RCSD1: variants seen among roughly 807,000 people sequenced by gnomAD.
RCSD1 encodes capZ-interacting protein.
Under a neutral mutation model 42.5 loss-of-function variants are expected in RCSD1, and 26 were observed. The ratio of observed to expected loss-of-function variants is 0.61; its 90% CI spans 0.45 to 0.85. The LOEUF (loss-of-function observed/expected upper bound fraction) is 0.85, where lower values mean the gene tolerates loss of function less well. Ranked by LOEUF, RCSD1 falls within the 40% of genes least tolerant of loss-of-function variation. The pLI is 0.00. For synonymous variants in RCSD1, 220 were observed against 212.2 expected (o/e 1.04, Z -0.32); for missense variants, 571 against 528.3 (o/e 1.08, Z -0.79).
At position 167,707,644 on chromosome 1, in the gene RCSD1, T is replaced by C. The variant is rs1481934951; in HGVS notation, c.*2948T>C. Among the ~76,000 whole-genome samples, 1 of 150,414 alleles carries C rather than the reference T, an allele frequency of 6.6e-6. No homozygotes were observed. Among genetic ancestry groups the C allele is most frequent in the East Asian group, 1.9e-4 (1 of 5,140 alleles). ...TTTCCTTAATAGTTGCAGCCAAGGC[T>C]GTCTCTTTTTTCTCTTCTTTTCTCT... On this transcript the variant is annotated 3_prime_UTR_variant, in exon 7 of 7. Transcript: ENST00000367854.
intron 3 of RCSD1, 74 bp downstream of exon 3, chr1:167,685,584 AG>A: frequency 1.6e-6 from 2 of 1,225,172 alleles, no homozygotes; most frequent in South Asian, 1.2e-5. Context: ...AGTTTGGAGG[AG>A]GGGGCACCAA....
In RCSD1 at chr1:167,704,738, A is replaced by T; in HGVS notation, c.*42A>T. 1 of 1,594,964 alleles carries T rather than the reference A, an allele frequency of 6.3e-7. No homozygotes were observed. The highest frequency in any genetic ancestry group is 8.6e-7 in the Non-Finnish European group (1 of 1,163,984). ...CCCCAGTGATGAAGTTGCTGGACACATCTCTTTGCAGGTAGCAGCAACAGT... is the reference window on the plus strand; with the variant it reads ...CCCCAGTGATGAAGTTGCTGGACACTTCTCTTTGCAGGTAGCAGCAACAGT... On this transcript the variant is annotated 3_prime_UTR_variant, in exon 7 of 7. Coordinates refer to ENST00000367854, the MANE Select transcript of RCSD1 (RefSeq NM_052862.4).
chr1:167,673,659 A>G (rs1337868223), intron 1 of RCSD1, among the ~76,000 whole-genome samples: 1 of 152,246 alleles, frequency 6.6e-6, no homozygotes, highest in East Asian at 1.9e-4. Flanking sequence ...AGCCTGAATT[A>G]TAACTTGCAT....
chr1:167,683,765 G>A (rs56169660), intron 1 of RCSD1, 135 bp from the exon 2 acceptor site: 39,534 of 817,516 alleles, frequency 0.048, 5,655 homozygotes, highest in African/African-American at 0.42. Flanking sequence ...GTCCTTGAAT[G>A]CAGGAGCCAG....
intron 4 of RCSD1, among the ~76,000 whole-genome samples, chr1:167,691,407 G>A (rs1659373759): frequency 1.3e-5 from 2 of 152,234 alleles, no homozygotes; most frequent in South Asian, 2.1e-4. Flanking sequence ...GAAAAGGTGG[G>A]AGGAAGATGT....
intron 4 of RCSD1, among the ~76,000 whole-genome samples, chr1:167,691,248 G>C (rs1350103814): frequency 6.6e-6 from 1 of 152,180 alleles, no homozygotes; most frequent in Non-Finnish European, 1.5e-5. Flanking sequence ...ATGTCCCCTG[G>C]AGGCAAAATT....
In RCSD1 at chr1:167,690,099, G is replaced by C; in HGVS notation, c.249G>C (p.Ser83=). ...CTCCTAAATTCAAGGTCAAGAGCTC[G>C]CCTCTGATTGAGAAGCTTCAGGTAA... is the stretch of plus-strand genomic sequence containing the variant. ...SHPPKFKVKS[S]PLIEKLQANL... The change falls in exon 4 of 7, where the codon TCG becomes TCC. Residue 83 remains serine, a synonymous_variant. Transcript: ENST00000367854. 6.2e-7 allele frequency: 1 copy of C among 1,614,046 alleles called. No individual in the cohort carries two copies. Among genetic ancestry groups the C allele is most frequent in the Non-Finnish European group, 8.5e-7 (1 of 1,179,996 alleles).
intron 1 of RCSD1, among the ~76,000 whole-genome samples, chr1:167,662,009 C>T (rs1255785569): frequency 6.6e-6 from 1 of 152,140 alleles, no homozygotes; most frequent in Non-Finnish European, 1.5e-5. Context: ...CTGGGAGCCC[C>T]CTGAGGGAGT....
At chr1:167,672,312 G>A (rs1012093833) in intron 1 of RCSD1, among the ~76,000 whole-genome samples, 3 of 152,138 alleles carry the variant, frequency 2.0e-5, no homozygotes, top group African/African-American at 7.2e-5. Context: ...ATACTTGACC[G>A]ACTGACTGTA....
Position 167,697,614 on chromosome 1 carries a change from A to G in RCSD1, c.990A>G (p.Glu330=). The change falls in exon 6 of 7, where the codon GAA becomes GAG. Residue 330 remains glutamate, a synonymous_variant. Coordinates refer to ENST00000367854, the MANE Select transcript of RCSD1 (RefSeq NM_052862.4). ...ERVQNEEVGP[E]HDSQETKKLE... is the part of the protein sequence containing the mutation. Reference sequence around the variant, plus strand: ...TGCAAAATGAAGAGGTGGGACCTGAACATGACAGCCAAGAAACAAAGAAGC... The same window carrying G: ...TGCAAAATGAAGAGGTGGGACCTGAGCATGACAGCCAAGAAACAAAGAAGC... 1.2e-6 allele frequency: 2 copies of G among 1,607,588 alleles called. No homozygotes were observed. Among genetic ancestry groups the G allele is most frequent in the Middle Eastern group, 3.3e-4 (2 of 6,050 alleles).
rs1310018932 is a variant in RCSD1, at chr1:167,630,355, A to G, written c.-69A>G. ...CTGGCCACGGCCGGGAGCGGAGGGG[A>G]CAGCGGGGATCGTGAGCTCCGGCCC... On this transcript the variant is annotated 5_prime_UTR_variant, in exon 1 of 7. Transcript: ENST00000367854. 5 of 1,433,958 alleles carry G rather than the reference A, an allele frequency of 3.5e-6. No homozygotes were observed. The highest frequency in any genetic ancestry group is 4.8e-5 in the Admixed American group (2 of 42,100). 88.8% of individuals were successfully genotyped at this position (1,433,958 alleles called of 1,614,324 possible). A position where few individuals can be genotyped will look rare whatever the true frequency, so the allele number is the denominator to read the frequency against.
At chr1:167,689,095 G>A (rs116603079) in intron 3 of RCSD1, among the ~76,000 whole-genome samples, 298 of 148,314 alleles carry the variant, frequency 2.0e-3, no homozygotes, top group African/African-American at 7.3e-3. Flanking sequence ...CATCAGCCAC[G>A]GACTGCTCCT....
Position 167,683,909 on chromosome 1 carries a change from G to C in RCSD1, c.16G>C (p.Ala6Pro). ...CTTCTCCATTTGCCAGGAAAGACCG[G>C]CAGAGACCAATGCCAATGTGGACAA... MEERP[A>P]ETNANVDNSA... Residue 6 changes from alanine to proline, a missense_variant, in exon 2 of 7, where the codon GCA (alanine) becomes CCA (proline). Ala to Pro is a conservative substitution (Grantham distance 27, BLOSUM62 -1). Transcript: ENST00000367854. The C allele has an allele frequency of 6.2e-7, 1 of 1,614,150 alleles. No individual in the cohort carries two copies. Among genetic ancestry groups the C allele is most frequent in the Non-Finnish European group, 8.5e-7 (1 of 1,180,016 alleles).
At chr1:167,660,137 T>C (rs1658507912) in intron 1 of RCSD1, among the ~76,000 whole-genome samples, 1 of 152,236 alleles carries the variant, frequency 6.6e-6, no homozygotes, top group South Asian at 2.1e-4. Flanking sequence ...TGCCAAGCTC[T>C]GTGTTAAGCA....
intron 1 of RCSD1, among the ~76,000 whole-genome samples, chr1:167,651,798 G>A (rs1460591547): frequency 1.3e-5 from 2 of 152,142 alleles, no homozygotes; most frequent in Non-Finnish European, 2.9e-5. Context: ...AAGCATGGCA[G>A]GGAACAGGGT....
At chr1:167,669,938 C>T (rs553259794) in intron 1 of RCSD1, among the ~76,000 whole-genome samples, 1 of 152,114 alleles carries the variant, frequency 6.6e-6, no homozygotes, top group East Asian at 1.9e-4. Flanking sequence ...GAAGGTATGC[C>T]CTGGCTTCCT....
intron 3 of RCSD1, 131 bp downstream of exon 3, chr1:167,685,641 T>G (rs1045113710): frequency 1.5e-6 from 1 of 652,004 alleles, no homozygotes; most frequent in Non-Finnish European, 2.6e-6. Flanking sequence ...TTTCTCCATT[T>G]CAGAGTGAAT....
intron 1 of RCSD1, among the ~76,000 whole-genome samples, chr1:167,631,539 C>G (rs995968618): frequency 6.6e-6 from 1 of 152,156 alleles, no homozygotes; most frequent in African/African-American, 2.4e-5. Context: ...GGCTGGAGTG[C>G]AGTGGCACAA....
chr1:167,646,063 G>A (rs1479636008), intron 1 of RCSD1, among the ~76,000 whole-genome samples: 1 of 152,232 alleles, frequency 6.6e-6, no homozygotes, highest in East Asian at 1.9e-4. Context: ...AATCCACAGT[G>A]CAGATTTGGT....
Sources: allele counts gnomAD v4.1 joint callset (sites outside exome capture counted in the v4.1 genomes callset), GRCh38; gene constraint gnomAD v4.1.1; transcripts MANE v1.5; gene names NCBI Gene and HGNC (gene_info 2026-07-23, HGNC 2026-07-21).